GABRG2: variants seen among roughly 807,000 people sequenced by gnomAD.
The protein encoded by GABRG2 is gamma-aminobutyric acid receptor subunit gamma-2.
GABRG2 carries 16 observed loss-of-function variants against 56.4 expected under a neutral mutation model. The observed-to-expected ratio is 0.28, with a 90% CI of 0.19 to 0.43. GABRG2 has a LOEUF of 0.43. Among genes scored for constraint, GABRG2 ranks in the 20% least tolerant of loss-of-function variants. GABRG2 has a pLI of 1.00. For missense variants in GABRG2, 327 were observed against 582.7 expected (o/e 0.56, Z 4.52); for synonymous variants, 208 against 205.5 (o/e 1.01, Z -0.10).
chr5:162,116,846 G>A (rs73316320), intron 6 of GABRG2, among the ~76,000 whole-genome samples: 2,478 of 150,708 alleles, frequency 0.016, 95 homozygotes, highest in African/African-American at 0.058. Context: ...AAAGACCTTA[G>A]GGAGGTTGAA....
intron 1 of GABRG2, among the ~76,000 whole-genome samples, chr5:162,087,707 G>A (rs1045924216): frequency 6.6e-6 from 1 of 152,042 alleles, no homozygotes. Flanking sequence ...CTTACCTTAG[G>A]ATTTACAATT....
At chr5:162,103,758 G>C (rs1215202932) in intron 5 of GABRG2, 131 bp from the exon 6 acceptor site, 1 of 966,082 alleles carries the variant, frequency 1.0e-6, no homozygotes, top group African/African-American at 1.6e-5. Context: ...AATGCCCTTT[G>C]GTCCAAGATC....
At chr5:162,100,185 T>C (rs931554734) in intron 4 of GABRG2, 5 of 152,144 alleles carry the variant, frequency 3.3e-5, no homozygotes, top group African/African-American at 1.2e-4. Flanking sequence ...CAATTCACTC[T>C]ACCCAGTGCT....
intron 6 of GABRG2, among the ~76,000 whole-genome samples, chr5:162,122,072 A>T (rs905522111): frequency 1.3e-5 from 2 of 152,018 alleles, no homozygotes; most frequent in Non-Finnish European, 2.9e-5. Context: ...TAAGAAGCAT[A>T]AGAAAATTTG....
intron 5 of GABRG2, 21 bp downstream of exon 5, chr5:162,101,338 AT>A: frequency 6.9e-7 from 1 of 1,458,690 alleles, no homozygotes; most frequent in Non-Finnish European, 9.6e-7. Flanking sequence ...TTCCTTCTCC[AT>A]TTGTATCCTC....
At position 162,149,163 on chromosome 5, in the gene GABRG2, C is replaced by T. The variant is rs373993626; in HGVS notation, c.978C>T (p.Leu326=). The change falls in exon 8 of 10, where the codon CTC becomes CTT. Residue 326 remains leucine (L), a synonymous_variant. Coordinates refer to ENST00000639213, the MANE Select transcript of GABRG2 (RefSeq NM_198904.4). ...TTLSTIARKS[L]PKVSYVTAMD... is the part of the protein sequence containing the mutation. ...TCAGCACCATTGCCCGGAAATCGCT[C>T]CCCAAGGTCTCCTATGTCACAGCGA... 2 of 1,614,092 alleles carry T rather than the reference C, an allele frequency of 1.2e-6. No homozygotes were observed. Among genetic ancestry groups the T allele is most frequent in the Non-Finnish European group, 1.7e-6 (2 of 1,180,014 alleles).
At chr5:162,111,235 CT>C (rs1341839567) in intron 6 of GABRG2, among the ~76,000 whole-genome samples, 4 of 152,240 alleles carry the variant, frequency 2.6e-5, no homozygotes, top group African/African-American at 9.6e-5. Flanking sequence ...GTTTTCCCCC[CT>C]ATCTATTTTG....
intron 7 of GABRG2, chr5:162,142,730 C>T: frequency 6.3e-6 from 2 of 316,966 alleles, no homozygotes; most frequent in Non-Finnish European, 1.2e-5. Flanking sequence ...AGGGGAACAT[C>T]ACACACCGGG....
At chr5:162,097,504 C>A in intron 3 of GABRG2, 134 bp from the exon 4 acceptor site, 1 of 706,444 alleles carries the variant, frequency 1.4e-6, no homozygotes, top group Non-Finnish European at 2.4e-6. Context: ...AAAACTCTAG[C>A]TTTCTTTTGA....
intron 6 of GABRG2, among the ~76,000 whole-genome samples, chr5:162,106,554 T>C (rs1010682493): frequency 2.6e-5 from 4 of 152,198 alleles, no homozygotes; most frequent in African/African-American, 9.7e-5. Context: ...CTAATGAATG[T>C]CTACAAGGAA....
intron 6 of GABRG2, among the ~76,000 whole-genome samples, chr5:162,136,399 T>C (rs996113186): frequency 6.6e-6 from 1 of 152,128 alleles, no homozygotes; most frequent in African/African-American, 2.4e-5. Context: ...TAAATTTAAT[T>C]TTTTAAAGTA....
chr5:162,135,404 A>C (rs2113559572), intron 6 of GABRG2, among the ~76,000 whole-genome samples: 1 of 152,330 alleles, frequency 6.6e-6, no homozygotes, highest in African/African-American at 2.4e-5. Flanking sequence ...TAGCTCATCT[A>C]GAATTTTCTT....
At chr5:162,108,944 T>G (rs1035633766) in intron 6 of GABRG2, among the ~76,000 whole-genome samples, 1 of 152,188 alleles carries the variant, frequency 6.6e-6, no homozygotes, top group Non-Finnish European at 1.5e-5. Flanking sequence ...TTGTGAGTAG[T>G]GCCACAATAA....
At chr5:162,148,460 G>A (rs1324969398) in intron 7 of GABRG2, among the ~76,000 whole-genome samples, 1 of 152,122 alleles carries the variant, frequency 6.6e-6, no homozygotes, top group Admixed American at 6.5e-5. Flanking sequence ...ATCAATCAGA[G>A]CATGTCACTT....
At chr5:162,069,674 T>A (rs1357793458) in intron 1 of GABRG2, among the ~76,000 whole-genome samples, 2 of 152,204 alleles carry the variant, frequency 1.3e-5, no homozygotes, top group Non-Finnish European at 2.9e-5. Context: ...GTATTTTCAC[T>A]AGGATTATAA....
chr5:162,089,837 C>T lies in GABRG2; in HGVS notation c.108-3991C>T, dbSNP rs116411650. Among the ~76,000 whole-genome samples the T allele has an allele frequency of 4.3e-3, 652 of 152,192 alleles. 7 individuals are homozygous for T. Among genetic ancestry groups the T allele is most frequent in the African/African-American group, 0.015 (627 of 41,540 alleles). On this transcript the variant is annotated intron_variant, in intron 1 of 9. Coordinates refer to ENST00000639213, the MANE Select transcript of GABRG2 (RefSeq NM_198904.4). ...TGGGCAATGACTAGATTTTCCTCCT[C>T]TACCCCTAAACTTAGAGCTTTATTA...
intron 6 of GABRG2, among the ~76,000 whole-genome samples, chr5:162,127,625 A>G (rs1369439183): frequency 6.6e-6 from 1 of 151,946 alleles, no homozygotes; most frequent in Non-Finnish European, 1.5e-5. Context: ...CCTCCTATGC[A>G]CCATGATACC....
rs138964417 is a variant in GABRG2 at position 162,149,181 on chromosome 5, C to T, written c.996C>T (p.Val332=). The T allele has an allele frequency of 9.3e-6, 15 of 1,614,128 alleles. No individual in the cohort carries two copies. Among genetic ancestry groups the T allele is most frequent in the Non-Finnish European group, 1.3e-5 (15 of 1,180,022 alleles). The part of the protein sequence containing the change: ...ARKSLPKVSY[V]TAMDLFVSVC... ...AATCGCTCCCCAAGGTCTCCTATGT[C>T]ACAGCGATGGATCTCTTTGTATCTG... Residue 332 remains valine, a synonymous_variant, in exon 8 of 10, where the codon GTC becomes GTT. Transcript: ENST00000639213.
chr5:162,067,635 A>G (rs1420886771), upstream of GABRG2: 2 of 536,342 alleles, frequency 3.7e-6, no homozygotes, highest in African/African-American at 3.8e-5. Context: ...GACCCAGGGG[A>G]GAACGCGTAA....
Sources: allele counts gnomAD v4.1 joint callset (sites outside exome capture counted in the v4.1 genomes callset), GRCh38; gene constraint gnomAD v4.1.1; transcripts MANE v1.5; gene names NCBI Gene and HGNC (gene_info 2026-07-23, HGNC 2026-07-21).